Variants in MYRIP observed in about 807,000 individuals in gnomAD.
The protein encoded by MYRIP is myosin VIIA and Rab interacting protein.
MYRIP carries 49 observed loss-of-function variants against 98.0 expected under a neutral mutation model. The ratio of observed to expected loss-of-function variants is 0.50; its 90% confidence interval spans 0.40 to 0.63. MYRIP has a LOEUF of 0.63. Among genes scored for constraint, MYRIP ranks in the 30% least tolerant of loss-of-function variants. The pLI is 0.00. For missense variants in MYRIP, 1,004 were observed against 1,058.2 expected (o/e 0.95, Z 0.71); for synonymous variants, 404 against 409.5 (o/e 0.99, Z 0.16).
intron 1 of MYRIP, among the ~76,000 whole-genome samples, chr3:39,857,396 A>C (rs937213138): frequency 6.6e-6 from 1 of 152,230 alleles, no homozygotes; most frequent in African/African-American, 2.4e-5. Flanking sequence ...GAACAAAATG[A>C]AAAGTTCAAA....
intron 8 of MYRIP, among the ~76,000 whole-genome samples, chr3:40,178,409 C>A (rs1159058954): frequency 6.6e-6 from 1 of 152,168 alleles, no homozygotes; most frequent in Non-Finnish European, 1.5e-5. Context: ...GCACATTAAC[C>A]AGGAGTGCAT....
At position 39,850,072 on chromosome 3, in the gene MYRIP, G is replaced by A. The variant is rs567390934; in HGVS notation, c.-31+40156G>A. ...TCTTCCTAGAGTAGGGTGTCAGAGAGTATGAGTGTGTGTCTCACAGGGAGT... is the reference window on the plus strand; with the variant it reads ...TCTTCCTAGAGTAGGGTGTCAGAGAATATGAGTGTGTGTCTCACAGGGAGT... On this transcript the variant is annotated intron_variant, in intron 1 of 16. Coordinates refer to ENST00000302541, the MANE Select transcript of MYRIP (RefSeq NM_015460.4). 3.9e-5 allele frequency among the ~76,000 whole-genome samples: 6 copies of A among 152,318 alleles called. No individual in the cohort carries two copies. In the South Asian group the frequency reaches 1.2e-3, roughly 32 times the overall value.
intron 10 of MYRIP, among the ~76,000 whole-genome samples, chr3:40,203,123 G>A (rs1362142699): frequency 6.6e-6 from 1 of 151,592 alleles, no homozygotes; most frequent in Non-Finnish European, 1.5e-5. Context: ...GTAAAGACAG[G>A]GTTTCACCAT....
chr3:40,233,976 G>A lies in MYRIP; in HGVS notation c.2023G>A (p.Asp675Asn), dbSNP rs764083813. 2.5e-6 allele frequency: 4 copies of A among 1,613,596 alleles called. No homozygotes were observed. The highest frequency in any genetic ancestry group is 3.4e-6 in the Non-Finnish European group (4 of 1,179,836). The change falls in exon 12 of 17, where the codon GAC becomes AAC. Residue 675 changes from aspartate to asparagine, a missense_variant. Transcript: ENST00000302541. ...CTGGGAGTCCCCACAAGTCCCTCCT[G>A]ACAGACAGAAGGGGATGTTTCCTCG... is the stretch of plus-strand genomic sequence containing the variant. ...GPWESPQVPPDRQKGMFPRGT... is the reference protein window; with the variant it reads ...GPWESPQVPPNRQKGMFPRGT...
At chr3:40,019,203 T>C (rs1946936034) in intron 2 of MYRIP, among the ~76,000 whole-genome samples, 1 of 152,196 alleles carries the variant, frequency 6.6e-6, no homozygotes, top group South Asian at 2.1e-4. Context: ...TAAAAAATGT[T>C]CATTCTTTGG....
intron 2 of MYRIP, among the ~76,000 whole-genome samples, chr3:39,909,296 A>G (rs1943960245): frequency 6.6e-6 from 1 of 152,168 alleles, no homozygotes; most frequent in African/African-American, 2.4e-5. Flanking sequence ...CTGTCTTAGT[A>G]TTGGTATTTT....
intron 3 of MYRIP, among the ~76,000 whole-genome samples, chr3:40,115,733 G>T (rs564374894): frequency 6.6e-6 from 1 of 151,374 alleles, no homozygotes; most frequent in South Asian, 2.1e-4. Context: ...AAAGTCCAAG[G>T]TCACTCAAAA....
chr3:40,096,245 G>C (rs1196286915), intron 3 of MYRIP, among the ~76,000 whole-genome samples: 1 of 152,010 alleles, frequency 6.6e-6, no homozygotes, highest in Non-Finnish European at 1.5e-5. Flanking sequence ...CAGGTGAGAG[G>C]GCTGTAGTCA....
At chr3:40,200,070 A>G (rs912667900) in intron 10 of MYRIP, among the ~76,000 whole-genome samples, 5 of 120,466 alleles carry the variant, frequency 4.2e-5, no homozygotes, top group African/African-American at 1.3e-4. Flanking sequence ...AACTCGTTGC[A>G]GAGAACATGT....
At chr3:39,926,901 C>G (rs972862523) in intron 2 of MYRIP, among the ~76,000 whole-genome samples, 23 of 151,982 alleles carry the variant, frequency 1.5e-4, no homozygotes, top group Non-Finnish European at 3.2e-4. Flanking sequence ...AGTGTTGAGT[C>G]TGTAGGTTGC....
intron 2 of MYRIP, among the ~76,000 whole-genome samples, chr3:39,919,977 T>C (rs1171381611): frequency 6.6e-6 from 1 of 152,158 alleles, no homozygotes; most frequent in Admixed American, 6.5e-5. Context: ...CTTCATCTTT[T>C]TGTGCCTTCA....
chr3:40,166,488 C>T (rs941579791), intron 5 of MYRIP, among the ~76,000 whole-genome samples: 23 of 151,980 alleles, frequency 1.5e-4, no homozygotes, highest in Non-Finnish European at 4.4e-5. Context: ...CTGGGACAGA[C>T]CTCCAGCCAA....
intron 1 of MYRIP, among the ~76,000 whole-genome samples, chr3:39,881,876 T>G (rs112772224): frequency 1.3e-5 from 2 of 152,114 alleles, no homozygotes; most frequent in Non-Finnish European, 2.9e-5. Flanking sequence ...AAAATTTTGT[T>G]GACATTCTTC....
chr3:39,882,484 A>C (rs992410364), intron 1 of MYRIP, among the ~76,000 whole-genome samples: 1 of 152,112 alleles, frequency 6.6e-6, no homozygotes, highest in Non-Finnish European at 1.5e-5. Flanking sequence ...ATATTATTTT[A>C]ATTTGTCTAT....
chr3:40,204,656 C>A (rs1000811401), intron 10 of MYRIP, among the ~76,000 whole-genome samples: 1 of 152,060 alleles, frequency 6.6e-6, no homozygotes, highest in African/African-American at 2.4e-5. Flanking sequence ...CATTTAAACC[C>A]GCCTTTCCTA....
intron 11 of MYRIP, among the ~76,000 whole-genome samples, chr3:40,228,512 C>T (rs1306200768): frequency 6.6e-6 from 1 of 152,070 alleles, no homozygotes; most frequent in Non-Finnish European, 1.5e-5. Context: ...TGGCAGTCCC[C>T]TCGCCACTGC....
chr3:40,016,970 A>G (rs1301163454), intron 2 of MYRIP, among the ~76,000 whole-genome samples: 1 of 152,184 alleles, frequency 6.6e-6, no homozygotes, highest in Non-Finnish European at 1.5e-5. Context: ...ATCACACTCT[A>G]ATGGGTTCTT....
chr3:40,160,286 G>A (rs1200787123), intron 4 of MYRIP, among the ~76,000 whole-genome samples: 1 of 152,234 alleles, frequency 6.6e-6, no homozygotes, highest in Non-Finnish European at 1.5e-5. Context: ...ACTGGGGGGT[G>A]CCTCCCAGTT....
chr3:40,078,234 A>G (rs539071042), intron 3 of MYRIP, among the ~76,000 whole-genome samples: 4 of 152,204 alleles, frequency 2.6e-5, no homozygotes, highest in Admixed American at 2.0e-4. Context: ...CGGCCCGCCA[A>G]GCCCACGCCC....
Sources: allele counts gnomAD v4.1 joint callset (sites outside exome capture counted in the v4.1 genomes callset), GRCh38; gene constraint gnomAD v4.1.1; transcripts MANE v1.5; gene names NCBI Gene and HGNC (gene_info 2026-07-23, HGNC 2026-07-21).